XPO7: variants seen among roughly 807,000 people sequenced by gnomAD.
XPO7 encodes the protein exportin-7.
XPO7 carries 21 observed loss-of-function variants against 144.3 expected under a neutral mutation model. The ratio of observed to expected loss-of-function variants is 0.15; its 90% CI spans 0.10 to 0.21. The LOEUF (loss-of-function observed/expected upper bound fraction) is 0.21, where lower values mean the gene tolerates loss of function less well. Ranked by LOEUF, XPO7 falls within the 10% of genes least tolerant of loss-of-function variation. The pLI is 1.00. For missense variants in XPO7, 808 were observed against 1,325.8 expected (o/e 0.61, Z 6.06); for synonymous variants, 580 against 499.6 (o/e 1.16, Z -2.15).
At position 21,982,774 on chromosome 8, in the gene XPO7, C is replaced by T. The variant is rs767633638; in HGVS notation, c.1239C>T (p.Tyr413=). ...ACACTCCTGAGGTCACCAAAGCCTA[C>T]ATCACATCCCGGTTGGAATCTGTGC... ...ETYTPEVTKA[Y]ITSRLESVHI... The change falls in exon 11 of 28, where the codon TAC becomes TAT. Residue 413 remains tyrosine (Y), a synonymous_variant. Transcript: ENST00000252512. The T allele has an allele frequency of 4.3e-6, 7 of 1,613,134 alleles. No homozygotes were observed. In the East Asian group the frequency reaches 1.3e-4, roughly 31 times the overall value.
At position 21,994,408 on chromosome 8, in the gene XPO7, G is replaced by A. The variant is rs1157316512; in HGVS notation, c.2194G>A (p.Ala732Thr). ...AAGAGACCTGAGAGGGATCGCTTTC[G>A]CTTTCAATGCCAAGACCAGCTTCAT... ...LVRDLRGIAF[A>T]FNAKTSFMML... The change falls in exon 20 of 28, where the codon GCT (alanine) becomes ACT (threonine). Residue 732 changes from alanine (A) to threonine (T), a missense_variant. By Grantham distance (58) the Ala-to-Thr change is moderately conservative. Around this residue, in one of 5 missense-constraint regions of XPO7, gnomAD observed 416 missense variants for 612.5 expected, o/e 0.68. Transcript: ENST00000252512. The A allele has an allele frequency of 8.1e-6, 13 of 1,612,082 alleles. No individual in the cohort carries two copies. Among genetic ancestry groups the A allele is most frequent in the Non-Finnish European group, 1.0e-5 (12 of 1,178,658 alleles).
chr8:21,968,832 G>T (rs1424047267), intron 2 of XPO7, among the ~76,000 whole-genome samples: 3 of 152,160 alleles, frequency 2.0e-5, no homozygotes, highest in Admixed American at 6.6e-5. Context: ...AATGCTTTGA[G>T]TCTCCGTAAG....
In XPO7 at chr8:21,976,220, T is replaced by C. The variant is rs79613428; in HGVS notation, c.598-136T>C. The C allele has an allele frequency of 4.1e-4, 362 of 886,660 alleles. No homozygotes were observed. In the African/African-American group the frequency reaches 4.7e-3, roughly 11 times the overall value. The allele number at this position is 886,660 out of a possible 1,614,324, so 54.9% of individuals were successfully genotyped here. On this transcript the variant is annotated intron_variant, in intron 6 of 27. Transcript: ENST00000252512. ...AGTCACAGGTGATAGAAGTACCACA[T>C]CTTTGGAGAGAAGGGGACATTTTAC...
At chr8:21,975,057 A>C (rs1253104623) in intron 6 of XPO7, among the ~76,000 whole-genome samples, 1 of 152,208 alleles carries the variant, frequency 6.6e-6, no homozygotes, top group East Asian at 1.9e-4. Context: ...GATCTAGTTT[A>C]CCTAACTCAG....
At chr8:21,942,302 G>A (rs1585426105) in intron 1 of XPO7, among the ~76,000 whole-genome samples, 1 of 152,266 alleles carries the variant, frequency 6.6e-6, no homozygotes, top group East Asian at 1.9e-4. Context: ...GAGCTTTTAT[G>A]TGGCTTACAG....
rs538928729 is a variant in XPO7, at chr8:21,956,224, C to T, written c.19-10633C>T. ...CTGGAGCTCTTTCTCTAGAGGATTT[C>T]GCAGGAATTGTTCTGTTGGCTTCTT... is the stretch of plus-strand genomic sequence containing the variant. On this transcript the variant is annotated intron_variant, in intron 1 of 27. Transcript: ENST00000252512. 1.4e-3 allele frequency among the ~76,000 whole-genome samples: 219 copies of T among 152,256 alleles called. 1 individual carries two copies. Among genetic ancestry groups the T allele is most frequent in the African/African-American group, 5.0e-3 (209 of 41,560 alleles).
intron 1 of XPO7, among the ~76,000 whole-genome samples, chr8:21,946,470 CG>C (rs548531588): frequency 2.3e-4 from 35 of 150,364 alleles, no homozygotes; most frequent in Non-Finnish European, 4.0e-4. Context: ...GATTACAGCA[CG>C]GGGCGACAAA....
At chr8:21,939,409 G>A (rs976219583) in intron 1 of XPO7, among the ~76,000 whole-genome samples, 16 of 151,870 alleles carry the variant, frequency 1.1e-4, no homozygotes, top group African/African-American at 3.6e-4. Flanking sequence ...TAGTAGAGAC[G>A]GGAGTTTCTC....
chr8:21,960,712 G>A (rs1226752539), intron 1 of XPO7, among the ~76,000 whole-genome samples: 1 of 152,198 alleles, frequency 6.6e-6, no homozygotes, highest in Non-Finnish European at 1.5e-5. Flanking sequence ...GACATACACA[G>A]CATCTGCAAC....
intron 21 of XPO7, among the ~76,000 whole-genome samples, chr8:21,996,274 G>C (rs1307692922): frequency 6.6e-6 from 1 of 152,204 alleles, no homozygotes; most frequent in African/African-American, 2.4e-5. Context: ...AATTAGCTGG[G>C]CATGGTGGCA....
chr8:21,934,879 T>C (rs781042255), intron 1 of XPO7, among the ~76,000 whole-genome samples: 13 of 152,212 alleles, frequency 8.5e-5, no homozygotes, highest in Non-Finnish European at 1.6e-4. Flanking sequence ...TTGACTATGA[T>C]TTTCAGTTGC....
Position 21,919,742 on chromosome 8 carries a change from G to GCGACCACGAA in XPO7, c.-29_-28insCGACCACGAA. On this transcript the variant is annotated 5_prime_UTR_variant, in exon 1 of 28. Coordinates refer to ENST00000252512, the MANE Select transcript of XPO7 (RefSeq NM_015024.5). ...CGAGGTGCGCGCTGGGGGGGAGGGGGGGCCGGAGAGGAGCATGAATGGAGC... is the reference window on the plus strand; with the variant it reads ...CGAGGTGCGCGCTGGGGGGGAGGGGGCGACCACGAAGGCCGGAGAGGAGCATGAATGGAGC... 2.6e-6 allele frequency: 1 copy of GCGACCACGAA among 390,686 alleles called. No homozygotes were observed. The highest frequency in any genetic ancestry group is 3.8e-6 in the Non-Finnish European group (1 of 261,532). The allele number at this position is 390,686 out of a possible 1,614,324, so 24.2% of individuals were successfully genotyped here.
intron 1 of XPO7, among the ~76,000 whole-genome samples, chr8:21,929,598 T>C (rs1032977635): frequency 6.6e-6 from 1 of 152,234 alleles, no homozygotes; most frequent in Non-Finnish European, 1.5e-5. Context: ...AAATCACTTT[T>C]TCCTGGTGCT....
intron 1 of XPO7, among the ~76,000 whole-genome samples, chr8:21,938,426 A>ATAAG (rs1341237258): frequency 1.5e-4 from 23 of 152,338 alleles, no homozygotes; most frequent in African/African-American, 5.5e-4. Flanking sequence ...CCTATACCCG[A>ATAAG]TAAGTAGTCA....
chr8:21,977,992 G>T, intron 8 of XPO7, 149 bp downstream of exon 8: 1 of 705,548 alleles, frequency 1.4e-6, no homozygotes. Context: ...GATTAAGCTT[G>T]TAGCCTAAAG....
intron 1 of XPO7, among the ~76,000 whole-genome samples, chr8:21,964,741 C>T (rs1811830196): frequency 6.6e-6 from 1 of 152,146 alleles, no homozygotes; most frequent in Admixed American, 6.5e-5. Flanking sequence ...TATGTTTTGT[C>T]TGCTAAATTA....
In XPO7 at chr8:21,989,821, C is replaced by CTTTTTTTTTTTTTTTTTTTT. The variant is rs1170364778; in HGVS notation, c.1869-496_1869-477dup. On this transcript the variant is annotated intron_variant, in intron 16 of 27. Coordinates refer to ENST00000252512, the MANE Select transcript of XPO7 (RefSeq NM_015024.5). Reference sequence around the variant, plus strand: ...AATAGGAGTTTGGTATAGGTGTTTCCTTTTTTTTTTTTTTTTTTTTTTTTT... The same window carrying CTTTTTTTTTTTTTTTTTTTT: ...AATAGGAGTTTGGTATAGGTGTTTCCTTTTTTTTTTTTTTTTTTTTTTTTTTTTTTTTTTTTTTTTTTTTT... Among the ~76,000 whole-genome samples, 171 of 59,714 alleles carry CTTTTTTTTTTTTTTTTTTTT rather than the reference C, an allele frequency of 2.9e-3. 57 individuals carry two copies. Among genetic ancestry groups the CTTTTTTTTTTTTTTTTTTTT allele is most frequent in the Non-Finnish European group, 4.6e-3 (129 of 27,890 alleles). 39.2% of individuals were successfully genotyped at this position (59,714 alleles called of 152,430 possible). A position where few individuals can be genotyped will look rare whatever the true frequency, so the allele number is the denominator to read the frequency against.
rs760207979 is a variant in XPO7 at position 22,002,224 on chromosome 8, C to A, written c.2895C>A (p.Ser965Arg). Residue 965 changes from serine (S) to arginine (R), a missense_variant, in exon 25 of 28, where the codon AGC becomes AGA. By Grantham distance (110) the Ser-to-Arg change is moderately radical. This residue lies in a region of XPO7 where 140 missense variants were observed against 237.9 expected (regional missense o/e 0.59). Coordinates refer to ENST00000252512, the MANE Select transcript of XPO7 (RefSeq NM_015024.5). Reference protein sequence around the residue: ...KKRTTPLNQESDRFLHIMQQH... With the variant: ...KKRTTPLNQERDRFLHIMQQH... Reference sequence around the variant, plus strand: ...GGACCACACCCCTGAACCAGGAGAGCGACCGCTTTCTGCACATCATGCAGC... The same window carrying A: ...GGACCACACCCCTGAACCAGGAGAGAGACCGCTTTCTGCACATCATGCAGC... The A allele has an allele frequency of 6.2e-7, 1 of 1,613,128 alleles. No individual in the cohort carries two copies. Among genetic ancestry groups the A allele is most frequent in the Non-Finnish European group, 8.5e-7 (1 of 1,179,610 alleles).
chr8:21,975,216 C>T (rs1812190619), intron 6 of XPO7, among the ~76,000 whole-genome samples: 1 of 152,202 alleles, frequency 6.6e-6, no homozygotes, highest in African/African-American at 2.4e-5. Context: ...CAGGCTGGTT[C>T]CCCTGTCCCC....
Sources: gnomAD v4.1 joint callset for allele counts (sites outside exome capture counted in the v4.1 genomes callset) on GRCh38, gnomAD v4.1.1 for gene constraint, gnomAD v4.1.1 regional missense constraint, MANE v1.5 for transcripts, NCBI Gene and HGNC (gene_info 2026-07-23, HGNC 2026-07-21) for gene names.